The following TRPS1 variants were observed in gnomAD, a reference collection of about 807,000 sequenced individuals.
The protein encoded by TRPS1 is transcriptional repressor GATA binding 1.
In TRPS1, 6 loss-of-function variants were observed where a neutral mutation model predicts 101.2. The observed-to-expected ratio is 0.06, with a 90% CI of 0.03 to 0.12. The LOEUF (loss-of-function observed/expected upper bound fraction) is 0.12, where lower values mean the gene tolerates loss of function less well. TRPS1 is among the 10% of genes least tolerant of loss of function. The pLI is 1.00. For synonymous variants in TRPS1, 578 were observed against 589.8 expected (o/e 0.98, Z 0.29); for missense variants, 1,363 against 1,567.0 (o/e 0.87, Z 2.20).
intron 3 of TRPS1, among the ~76,000 whole-genome samples, chr8:115,607,818 A>G (rs1329722474): frequency 6.6e-6 from 1 of 152,094 alleles, no homozygotes; most frequent in African/African-American, 2.4e-5. Flanking sequence ...ATACTGGTAG[A>G]TGTACACTCA....
chr8:115,586,299 T>C (rs1051178536), intron 5 of TRPS1, among the ~76,000 whole-genome samples: 2 of 152,212 alleles, frequency 1.3e-5, no homozygotes, highest in African/African-American at 2.4e-5. Context: ...CTACATAGTA[T>C]GAAGAGAGCA....
At chr8:115,493,975 A>G (rs1290342334) in intron 5 of TRPS1, among the ~76,000 whole-genome samples, 1 of 152,216 alleles carries the variant, frequency 6.6e-6, no homozygotes. Flanking sequence ...TATCTTTCAC[A>G]AGGTTCTGTC....
chr8:115,533,436 G>GTTTTTTTTTTTTGTTTTTTTTTT (rs1816189088), intron 5 of TRPS1, among the ~76,000 whole-genome samples: 1 of 34,986 alleles, frequency 2.9e-5, no homozygotes, highest in African/African-American at 1.0e-4. Context: ...CATGTAATCT[G>GTTTTTTTTTTTTGTTTTTTTTTT]TTTTTTTTTT....
intron 5 of TRPS1, among the ~76,000 whole-genome samples, chr8:115,445,043 A>T (rs1412884788): frequency 6.6e-6 from 1 of 152,166 alleles, no homozygotes; most frequent in Non-Finnish European, 1.5e-5. Flanking sequence ...CCACATTCAT[A>T]AGGCTCTTCA....
At chr8:115,639,199 G>C (rs545568451) in intron 1 of TRPS1, among the ~76,000 whole-genome samples, 1 of 152,242 alleles carries the variant, frequency 6.6e-6, no homozygotes, top group East Asian at 1.9e-4. Context: ...AAGTATCTGG[G>C]ACAACAGGCA....
chr8:115,569,086 T>C (rs1421194195), intron 5 of TRPS1, among the ~76,000 whole-genome samples: 2 of 152,010 alleles, frequency 1.3e-5, no homozygotes, highest in African/African-American at 4.8e-5. Context: ...ACTGAAGGAG[T>C]TACATCCCCG....
rs1011373852 is a variant in TRPS1 at position 115,448,759 on chromosome 8, G to A, written c.2701-30307C>T. Among the ~76,000 whole-genome samples, 50 of 151,912 alleles carry A rather than the reference G, an allele frequency of 3.3e-4. 1 individual carries two copies. ...ATTCTACTAGACAACTTTATTTTTC[G>A]GACCATCACCATTAAACAACTATAA... On this transcript the variant is annotated intron_variant, in intron 5 of 6. Transcript: ENST00000395715.
chr8:115,429,971 A>G (rs1813279978), intron 5 of TRPS1, among the ~76,000 whole-genome samples: 1 of 152,182 alleles, frequency 6.6e-6, no homozygotes, highest in African/African-American at 2.4e-5. Context: ...AAAATTACCA[A>G]GCTCTTAAAG....
intron 1 of TRPS1, among the ~76,000 whole-genome samples, chr8:115,631,852 CCTT>C (rs2130563393): frequency 6.6e-6 from 1 of 152,198 alleles, no homozygotes; most frequent in Admixed American, 6.5e-5. Context: ...TTAATTTTCT[CCTT>C]ATTTCGGCTG....
intron 5 of TRPS1, among the ~76,000 whole-genome samples, chr8:115,469,777 C>T (rs1162559458): frequency 6.6e-6 from 1 of 152,170 alleles, no homozygotes; most frequent in African/African-American, 2.4e-5. Context: ...GATCTGCCCA[C>T]TTTAGCCTCC....
Position 115,488,547 on chromosome 8 carries a change from C to T in TRPS1, c.2701-70095G>A, listed in dbSNP as rs548563891. On this transcript the variant is annotated intron_variant, in intron 5 of 6. Transcript: ENST00000395715. The stretch of plus-strand genomic sequence containing the variant: ...AAAATTAGCTGGGCGTGGTGATGTA[C>T]GCCTGTAGTCCCAGCTACTCAAAAG... Among the ~76,000 whole-genome samples, 28 of 152,178 alleles carry T rather than the reference C, an allele frequency of 1.8e-4. No homozygotes were observed. In the East Asian group the frequency reaches 4.6e-3, roughly 25 times the overall value.
At chr8:115,583,376 AATTT>A in intron 5 of TRPS1, among the ~76,000 whole-genome samples, 1 of 74,178 alleles carries the variant, frequency 1.3e-5, no homozygotes, top group African/African-American at 1.2e-4. Context: ...TATATAAAAT[AATTT>A]ACTTATACTG....
chr8:115,541,958 T>C (rs970622095), intron 5 of TRPS1, among the ~76,000 whole-genome samples: 2 of 152,174 alleles, frequency 1.3e-5, no homozygotes, highest in Non-Finnish European at 2.9e-5. Flanking sequence ...AGCCCTGCAA[T>C]AGTCAACAAT....
intron 5 of TRPS1, among the ~76,000 whole-genome samples, chr8:115,439,116 G>A (rs1813525777): frequency 6.6e-6 from 1 of 151,748 alleles, no homozygotes; most frequent in African/African-American, 2.4e-5. Flanking sequence ...CAGTGGGGCT[G>A]GGAGTTTAGA....
Position 115,500,402 on chromosome 8 carries a change from A to T in TRPS1, c.2701-81950T>A, listed in dbSNP as rs182606443. ...AAACAGTCAGTGTAAGATTTTGTCT[A>T]GATTTGTCTCAGCTGTCCACCTCTA... On this transcript the variant is annotated intron_variant, in intron 5 of 6. Transcript: ENST00000395715. Among the ~76,000 whole-genome samples, 162 of 152,232 alleles carry T rather than the reference A, an allele frequency of 1.1e-3. 1 individual carries two copies. The highest frequency in any genetic ancestry group is 3.7e-3 in the African/African-American group (152 of 41,550).
chr8:115,471,152 T>C (rs1353406851), intron 5 of TRPS1, among the ~76,000 whole-genome samples: 3 of 152,130 alleles, frequency 2.0e-5, no homozygotes, highest in Non-Finnish European at 2.9e-5. Flanking sequence ...GGCTGTAGGG[T>C]ATTGTATTAG....
At chr8:115,643,926 T>C (rs1382247187) in intron 1 of TRPS1, among the ~76,000 whole-genome samples, 1 of 152,232 alleles carries the variant, frequency 6.6e-6, no homozygotes, top group Non-Finnish European at 1.5e-5. Flanking sequence ...ATTCATCTCT[T>C]TGTACATCTC....
At chr8:115,423,885 C>T (rs1813127859) in intron 5 of TRPS1, among the ~76,000 whole-genome samples, 1 of 151,864 alleles carries the variant, frequency 6.6e-6, no homozygotes, top group Non-Finnish European at 1.5e-5. Flanking sequence ...TATTTGAAGA[C>T]CAGCCAAATA....
chr8:115,561,664 C>T (rs1816949211), intron 5 of TRPS1, among the ~76,000 whole-genome samples: 1 of 151,992 alleles, frequency 6.6e-6, no homozygotes, highest in African/African-American at 2.4e-5. Flanking sequence ...TGAGTAAAGT[C>T]TAAAGATCCA....
Sources: allele counts gnomAD v4.1 joint callset (sites outside exome capture counted in the v4.1 genomes callset), GRCh38; gene constraint gnomAD v4.1.1; transcripts MANE v1.5; gene names NCBI Gene and HGNC (gene_info 2026-07-23, HGNC 2026-07-21).